CDH18: variants seen among roughly 807,000 people sequenced by gnomAD.
The protein encoded by CDH18 is cadherin 18.
Under a neutral mutation model 67.9 loss-of-function variants are expected in CDH18, and 31 were observed. The observed-to-expected ratio is 0.46, with a 90% CI of 0.34 to 0.62. The LOEUF (loss-of-function observed/expected upper bound fraction) is 0.62, where lower values mean the gene tolerates loss of function less well. CDH18 is among the 20% of genes least tolerant of loss of function. The pLI, the probability that CDH18 is intolerant of heterozygous loss-of-function variation, is 0.01. For synonymous variants in CDH18, 362 were observed against 347.2 expected (o/e 1.04, Z -0.48); for missense variants, 890 against 975.5 (o/e 0.91, Z 1.17).
At chr5:20,291,972 A>T (rs1419400631) in intron 1 of CDH18, among the ~76,000 whole-genome samples, 2 of 151,958 alleles carry the variant, frequency 1.3e-5, no homozygotes, top group Admixed American at 6.6e-5. Flanking sequence ...TTTCCTTCCT[A>T]GCCTCTCCTC....
intron 6 of CDH18, among the ~76,000 whole-genome samples, chr5:19,600,339 A>G (rs114084104): frequency 0.058 from 8,739 of 151,898 alleles, 285 homozygotes; most frequent in Non-Finnish European, 0.074. Flanking sequence ...CTAGAACTTA[A>G]AAGTATAATA....
intron 5 of CDH18, among the ~76,000 whole-genome samples, chr5:19,654,277 C>T (rs1053020072): frequency 1.3e-5 from 2 of 152,178 alleles, no homozygotes; most frequent in Non-Finnish European, 2.9e-5. Flanking sequence ...TTCTATAATA[C>T]TCTTTTCCTT....
intron 1 of CDH18, among the ~76,000 whole-genome samples, chr5:20,402,089 A>G (rs1260136658): frequency 6.6e-6 from 1 of 152,122 alleles, no homozygotes; most frequent in Non-Finnish European, 1.5e-5. Flanking sequence ...CAAAATTTGT[A>G]CTTTCTTTTC....
chr5:20,524,905 A>G (rs1247240453), intron 1 of CDH18, among the ~76,000 whole-genome samples: 1 of 152,114 alleles, frequency 6.6e-6, no homozygotes, highest in African/African-American at 2.4e-5. Context: ...AGGAATGATA[A>G]GAAGAAGAAG....
intron 1 of CDH18, among the ~76,000 whole-genome samples, chr5:20,513,689 C>T (rs1755183707): frequency 6.6e-6 from 1 of 152,044 alleles, no homozygotes; most frequent in African/African-American, 2.4e-5. Context: ...CTTTTTGGGC[C>T]TAACAATCAT....
At chr5:20,513,734 C>T (rs1453403774) in intron 1 of CDH18, among the ~76,000 whole-genome samples, 5 of 151,912 alleles carry the variant, frequency 3.3e-5, no homozygotes, top group East Asian at 1.9e-4. Context: ...TGGAGAGGTC[C>T]TAAATGTCCT....
At chr5:19,847,410 A>T (rs143059182) in intron 2 of CDH18, among the ~76,000 whole-genome samples, 120 of 152,104 alleles carry the variant, frequency 7.9e-4, no homozygotes, top group South Asian at 3.7e-3. Context: ...TTTGCACTAA[A>T]ATTTTCAGTT....
chr5:20,273,991 G>A (rs191691234), intron 1 of CDH18, among the ~76,000 whole-genome samples: 271 of 152,152 alleles, frequency 1.8e-3, no homozygotes, highest in African/African-American at 6.0e-3. Flanking sequence ...GAGTGGTGTC[G>A]GAAGAGAAGA....
At chr5:19,672,472 G>A (rs745754322) in intron 5 of CDH18, among the ~76,000 whole-genome samples, 3 of 152,168 alleles carry the variant, frequency 2.0e-5, no homozygotes, top group Non-Finnish European at 4.4e-5. Context: ...TGACTAAAAA[G>A]TTTAAGAATA....
At chr5:20,324,463 C>T (rs1444229851) in intron 1 of CDH18, among the ~76,000 whole-genome samples, 1 of 152,062 alleles carries the variant, frequency 6.6e-6, no homozygotes, top group Non-Finnish European at 1.5e-5. Flanking sequence ...ATGGCAGGAA[C>T]CCGGGAGGCG....
At chr5:20,195,449 G>C (rs1487607599) in intron 2 of CDH18, among the ~76,000 whole-genome samples, 2 of 151,768 alleles carry the variant, frequency 1.3e-5, no homozygotes, top group Non-Finnish European at 2.9e-5. Context: ...TGCCTAAAAA[G>C]GTCTCAGAAA....
At chr5:19,552,988 G>C (rs955299077) in intron 8 of CDH18, among the ~76,000 whole-genome samples, 3 of 152,142 alleles carry the variant, frequency 2.0e-5, no homozygotes, top group Non-Finnish European at 4.4e-5. Flanking sequence ...ATATTGAAGT[G>C]AGATGAAAAT....
intron 3 of CDH18, among the ~76,000 whole-genome samples, chr5:19,773,284 T>C (rs1773931878): frequency 6.6e-6 from 1 of 152,142 alleles, no homozygotes; most frequent in South Asian, 2.1e-4. Context: ...TAGAGCTCAG[T>C]CCCTTGAATG....
intron 11 of CDH18, among the ~76,000 whole-genome samples, chr5:19,486,184 C>T (rs563820598): frequency 6.6e-6 from 1 of 151,548 alleles, no homozygotes; most frequent in African/African-American, 2.4e-5. Flanking sequence ...ATATTCTGTA[C>T]CTCACCGGAA....
intron 7 of CDH18, among the ~76,000 whole-genome samples, chr5:19,576,347 G>T (rs944564493): frequency 6.6e-6 from 1 of 151,446 alleles, no homozygotes; most frequent in African/African-American, 2.4e-5. Context: ...ATTGTACATC[G>T]GATAAGGGCC....
intron 2 of CDH18, among the ~76,000 whole-genome samples, chr5:20,121,981 T>C (rs555493904): frequency 6.6e-6 from 1 of 152,290 alleles, no homozygotes; most frequent in East Asian, 1.9e-4. Flanking sequence ...TTCATAGTCA[T>C]TGTAACTTCA....
intron 10 of CDH18, among the ~76,000 whole-genome samples, chr5:19,508,504 GTTAT>G (rs1158481085): frequency 1.3e-5 from 2 of 151,604 alleles, no homozygotes; most frequent in African/African-American, 4.8e-5. Flanking sequence ...ACATAGAATG[GTTAT>G]TTATTTTTAA....
chr5:19,955,369 A>G (rs1796162827), intron 2 of CDH18, among the ~76,000 whole-genome samples: 3 of 152,148 alleles, frequency 2.0e-5, no homozygotes, highest in Admixed American at 1.3e-4. Flanking sequence ...CAATTGCAGA[A>G]GTACAACAAT....
At chr5:20,227,083 G>A (rs1741691902) in intron 2 of CDH18, among the ~76,000 whole-genome samples, 1 of 151,988 alleles carries the variant, frequency 6.6e-6, no homozygotes, top group African/African-American at 2.4e-5. Context: ...ACATTGCACA[G>A]TTGGTGAGAC....
Sources: allele counts gnomAD v4.1 joint callset (sites outside exome capture counted in the v4.1 genomes callset), GRCh38; gene constraint gnomAD v4.1.1; transcripts MANE v1.5; gene names NCBI Gene and HGNC (gene_info 2026-07-23, HGNC 2026-07-21).